ASS1: variants seen among roughly 807,000 people sequenced by gnomAD.
ASS1 encodes argininosuccinate synthase 1.
A neutral mutation model predicts 60.5 loss-of-function variants in ASS1; 58 were observed. The ratio of observed to expected loss-of-function variants is 0.96; its 90% CI spans 0.78 to 1.19. ASS1 has a LOEUF of 1.19. Ranked by LOEUF, ASS1 falls within the 50% of genes most tolerant of loss-of-function variation. The pLI, the probability that ASS1 is intolerant of heterozygous loss-of-function variation, is 0.00. For synonymous variants in ASS1, 200 were observed against 206.9 expected (o/e 0.97, Z 0.29); for missense variants, 454 against 547.3 (o/e 0.83, Z 1.70).
chr9:130,464,054 C>T (rs1845667651), intron 4 of ASS1, 57 bp from the exon 5 acceptor site: 1 of 1,597,482 alleles, frequency 6.3e-7, no homozygotes. Context: ...ACGTCCTCCC[C>T]CAGACTCCAG....
At position 130,476,778 on chromosome 9, in the gene ASS1, AGAG is replaced by A; in HGVS notation, c.598-89_598-87del. The A allele has an allele frequency of 8.3e-7, 1 of 1,197,818 alleles. No individual in the cohort carries two copies. Among genetic ancestry groups the A allele is most frequent in the Non-Finnish European group, 1.2e-6 (1 of 802,476 alleles). 74.2% of individuals were successfully genotyped at this position (1,197,818 alleles called of 1,614,324 possible). ...CCCACCAGCTGGTGGGGAAATGGAC[AGAG>A]GAGAGGGGTGCAGATCCCCGCGGGA... On this transcript the variant is annotated intron_variant, in intron 8 of 14. Transcript: ENST00000352480. The surrounding 1 kb of genome is among the most constrained non-coding windows in gnomAD (Gnocchi z 4.9).
chr9:130,475,036 A>G (rs1202884546), intron 8 of ASS1, among the ~76,000 whole-genome samples: 3 of 152,228 alleles, frequency 2.0e-5, no homozygotes, highest in Admixed American at 2.0e-4. Flanking sequence ...GATCCACCAC[A>G]GTCCCTGTCT....
intron 12 of ASS1, among the ~76,000 whole-genome samples, chr9:130,492,473 A>C (rs1564161977): frequency 6.6e-6 from 1 of 152,080 alleles, no homozygotes; most frequent in Admixed American, 6.5e-5. Context: ...GCCACTCTGC[A>C]TCTGTGTGTC....
At chr9:130,487,042 C>G (rs1014781613) in intron 11 of ASS1, among the ~76,000 whole-genome samples, 3 of 152,208 alleles carry the variant, frequency 2.0e-5, no homozygotes, top group East Asian at 1.9e-4. Flanking sequence ...AAGCCACCCC[C>G]CTCCCCAGGC....
intron 3 of ASS1, among the ~76,000 whole-genome samples, chr9:130,454,921 CCATCCATCCATT>C (rs1478461686): frequency 6.6e-6 from 1 of 151,230 alleles, no homozygotes; most frequent in Admixed American, 6.6e-5. Context: ...CATCCATTAT[CCATCCATCCATT>C]CATCCATCCA....
chr9:130,460,038 GC>G (rs1230352305), intron 4 of ASS1, among the ~76,000 whole-genome samples: 17 of 152,216 alleles, frequency 1.1e-4, no homozygotes, highest in Non-Finnish European at 2.4e-4. Context: ...CATGCCAAGA[GC>G]CTGGTACAGG....
rs547471856 is a variant in ASS1 at position 130,479,478 on chromosome 9, G to A, written c.689-238G>A. 2.6e-5 allele frequency among the ~76,000 whole-genome samples: 4 copies of A among 152,338 alleles called. No individual in the cohort carries two copies. In the East Asian group the frequency reaches 7.7e-4, roughly 29 times the overall value. On this transcript the variant is annotated intron_variant, in intron 9 of 14. Coordinates refer to ENST00000352480, the MANE Select transcript of ASS1 (RefSeq NM_054012.4). Reference sequence around the variant, plus strand: ...AAATGCAAAAGGGGCAAAGAGAATGGGAGGGTGGGGGAGAGCGTTTTTATT... The same window carrying A: ...AAATGCAAAAGGGGCAAAGAGAATGAGAGGGTGGGGGAGAGCGTTTTTATT...
At chr9:130,460,878 G>C (rs1273498192) in intron 4 of ASS1, among the ~76,000 whole-genome samples, 2 of 152,174 alleles carry the variant, frequency 1.3e-5, no homozygotes, top group African/African-American at 4.8e-5. Flanking sequence ...TGATGGGATG[G>C]TAGGAAACCA....
In ASS1 at chr9:130,491,618, G is replaced by C. The variant is rs1588505729; in HGVS notation, c.970+2154G>C. Among the ~76,000 whole-genome samples, 1 of 152,340 alleles carries C rather than the reference G, an allele frequency of 6.6e-6. No homozygotes were observed. The highest frequency in any genetic ancestry group is 1.9e-4 in the East Asian group (1 of 5,172). On this transcript the variant is annotated intron_variant, in intron 12 of 14. Transcript: ENST00000352480. The surrounding 1 kb of genome is among the most constrained non-coding windows in gnomAD (Gnocchi z 5.3). ...ATCAAGGGGCACGGCGGCACAGACA[G>C]GGGAACCCTGGGTGTAGGGCACAGT...
At chr9:130,479,145 C>T (rs1361108908) in intron 9 of ASS1, among the ~76,000 whole-genome samples, 1 of 151,716 alleles carries the variant, frequency 6.6e-6, no homozygotes, top group Non-Finnish European at 1.5e-5. Flanking sequence ...GGACCCAGCT[C>T]CTCGGATTCA....
intron 6 of ASS1, among the ~76,000 whole-genome samples, chr9:130,467,276 G>A (rs1000720095): frequency 6.6e-6 from 1 of 152,224 alleles, no homozygotes; most frequent in African/African-American, 2.4e-5. Flanking sequence ...CCAAGGGACA[G>A]TCGCAGACAA....
intron 12 of ASS1, among the ~76,000 whole-genome samples, chr9:130,493,933 CT>C (rs1333927220): frequency 1.3e-5 from 2 of 152,208 alleles, no homozygotes; most frequent in African/African-American, 4.8e-5. Flanking sequence ...AAGGGATGTT[CT>C]GGCCATAGAG....
rs565447170 is a variant in ASS1, at chr9:130,491,466, C to T, written c.970+2002C>T. On this transcript the variant is annotated intron_variant, in intron 12 of 14. Coordinates refer to ENST00000352480, the MANE Select transcript of ASS1 (RefSeq NM_054012.4). This position sits in a 1 kb window ranked among gnomAD's most constrained non-coding sequence, Gnocchi z 5.3. ...TATTAGCTGCGCAGAGGTGAGGAAACGGAGGCCCCCAGGTGAAGACACTCA... is the reference window on the plus strand; with the variant it reads ...TATTAGCTGCGCAGAGGTGAGGAAATGGAGGCCCCCAGGTGAAGACACTCA... 5.3e-5 allele frequency among the ~76,000 whole-genome samples: 8 copies of T among 152,312 alleles called. No individual in the cohort carries two copies. Among genetic ancestry groups the T allele is most frequent in the African/African-American group, 7.2e-5 (3 of 41,562 alleles).
Position 130,452,346 on chromosome 9 carries a change from C to G in ASS1, c.105+13C>G. 1 of 1,609,068 alleles carries G rather than the reference C, an allele frequency of 6.2e-7. No homozygotes were observed. Among genetic ancestry groups the G allele is most frequent in the Non-Finnish European group, 8.5e-7 (1 of 1,175,456 alleles). Reference sequence around the variant, plus strand: ...CATTGCCTATCTGGTGAGGGAGCGACCTGGGTGTCTGTCTTCCTGCGTGTC... The same window carrying G: ...CATTGCCTATCTGGTGAGGGAGCGAGCTGGGTGTCTGTCTTCCTGCGTGTC... On this transcript the variant is annotated intron_variant, in intron 2 of 14. Coordinates refer to ENST00000352480, the MANE Select transcript of ASS1 (RefSeq NM_054012.4).
intron 12 of ASS1, among the ~76,000 whole-genome samples, chr9:130,490,497 A>G (rs1374859225): frequency 1.3e-5 from 2 of 151,796 alleles, no homozygotes; most frequent in Non-Finnish European, 2.9e-5. Context: ...TATTTTTAGT[A>G]GAGATGGGGT....
chr9:130,487,224 C>T (rs138572601), intron 11 of ASS1, among the ~76,000 whole-genome samples: 8 of 152,252 alleles, frequency 5.3e-5, no homozygotes, highest in African/African-American at 7.2e-5. Context: ...CGGGAGAACA[C>T]GGTACCGGAT....
rs1554725061 is a variant in ASS1 at position 130,494,921 on chromosome 9, A to G, written c.1025A>G (p.Gln342Arg). ...EFVRHCIAKS[Q>R]ERVEGKVQVS... ...GTCCGCCACTGCATCGCCAAGTCCC[A>G]GGAGCGAGTGGAAGGGAAAGTGCAG... The change falls in exon 13 of 15, where the codon CAG becomes CGG. Residue 342 changes from glutamine (Q) to arginine (R), a missense_variant. Gln to Arg is a conservative substitution (Grantham distance 43). Coordinates refer to ENST00000352480, the MANE Select transcript of ASS1 (RefSeq NM_054012.4). The surrounding 1 kb of genome is among the most constrained non-coding windows in gnomAD (Gnocchi z 4.3). 6.2e-7 allele frequency: 1 copy of G among 1,613,596 alleles called. No homozygotes were observed. Among genetic ancestry groups the G allele is most frequent in the Non-Finnish European group, 8.5e-7 (1 of 1,179,930 alleles).
chr9:130,445,648 G>T lies in ASS1; in HGVS notation c.-6+653G>T, dbSNP rs550041969. On this transcript the variant is annotated intron_variant, in intron 1 of 14. Coordinates refer to ENST00000352480, the MANE Select transcript of ASS1 (RefSeq NM_054012.4). ...TGGGCTGGGCTCTGTGGGAGGGGCA[G>T]TGCCAGGAATATTTTCTATTCGGGC... 3.3e-5 allele frequency among the ~76,000 whole-genome samples: 5 copies of T among 152,328 alleles called. No homozygotes were observed. The South Asian group carries it at 1.0e-3, about 32-fold the overall frequency.
At chr9:130,472,607 C>T (rs1431473878) in intron 8 of ASS1, among the ~76,000 whole-genome samples, 1 of 152,196 alleles carries the variant, frequency 6.6e-6, no homozygotes, top group Non-Finnish European at 1.5e-5. Flanking sequence ...CACGGCCCCT[C>T]CCTGTCCAAA....
Sources: gnomAD v4.1 joint callset for allele counts (sites outside exome capture counted in the v4.1 genomes callset) on GRCh38, gnomAD v4.1.1 for gene constraint, Gnocchi (gnomAD v3.1) non-coding constraint, MANE v1.5 for transcripts, NCBI Gene and HGNC (gene_info 2026-07-23, HGNC 2026-07-21) for gene names.